Variants in SUMF1 observed in about 807,000 individuals in gnomAD.
SUMF1 encodes the protein formylglycine-generating enzyme.
In SUMF1, 48 loss-of-function variants were observed where a neutral mutation model predicts 47.6. The ratio of observed to expected loss-of-function variants is 1.01; its 90% CI spans 0.80 to 1.28. The LOEUF (loss-of-function observed/expected upper bound fraction) is 1.28, where lower values mean the gene tolerates loss of function less well. Among genes scored for constraint, SUMF1 ranks in the 50% most tolerant of loss-of-function variants. The probability of loss-of-function intolerance (pLI) is 0.00; values close to 1 mark genes in which losing one functional copy is unlikely to be tolerated. For missense variants in SUMF1, 571 were observed against 485.4 expected (o/e 1.18, Z -1.66); for synonymous variants, 230 against 192.1 (o/e 1.20, Z -1.63).
chr3:4,242,550 G>C lies in SUMF1; in HGVS notation c.1014+133780C>G, dbSNP rs771894264. On this transcript the variant is annotated intron_variant and NMD_transcript_variant, in intron 8 of 12. Transcript: ENST00000448413. ...GATAATCATGTGGTTTTTGTCATTG[G>C]TTCTGTTTATGTGATAGATTATGTT... Among the ~76,000 whole-genome samples, 32 of 152,120 alleles carry C rather than the reference G, an allele frequency of 2.1e-4. 1 individual carries two copies. The highest frequency in any genetic ancestry group is 1.3e-4 in the Admixed American group (2 of 15,266).
intron 8 of SUMF1, among the ~76,000 whole-genome samples, chr3:4,129,987 A>T (rs1177075666): frequency 6.6e-6 from 1 of 152,150 alleles, no homozygotes; most frequent in East Asian, 1.9e-4. Context: ...AAGAAAGGCC[A>T]AATGGAAGAC....
intron 9 of SUMF1, among the ~76,000 whole-genome samples, chr3:4,050,496 T>A (rs1340743139): frequency 1.3e-5 from 2 of 151,240 alleles, no homozygotes; most frequent in Non-Finnish European, 3.0e-5. Flanking sequence ...AATCCCAGCA[T>A]TTTGGGAGGC....
intron 2 of SUMF1, among the ~76,000 whole-genome samples, chr3:4,451,358 T>C (rs1702960940): frequency 6.6e-6 from 1 of 152,250 alleles, no homozygotes; most frequent in African/African-American, 2.4e-5. Flanking sequence ...TGTGGTTTGC[T>C]GTTTGCATCA....
chr3:4,317,935 A>G (rs1698727668), intron 8 of SUMF1, among the ~76,000 whole-genome samples: 1 of 152,216 alleles, frequency 6.6e-6, no homozygotes, highest in African/African-American at 2.4e-5. Context: ...TTAGGATATA[A>G]TGTCCTTCAA....
At chr3:4,273,135 T>C (rs1189380913) in intron 8 of SUMF1, among the ~76,000 whole-genome samples, 5 of 149,806 alleles carry the variant, frequency 3.3e-5, no homozygotes, top group Non-Finnish European at 7.4e-5. Context: ...CATATATATA[T>C]ATATAGAATT....
chr3:4,173,464 C>G (rs1413698298), intron 8 of SUMF1, among the ~76,000 whole-genome samples: 2 of 152,168 alleles, frequency 1.3e-5, no homozygotes, highest in Non-Finnish European at 2.9e-5. Context: ...TTGTGGAAGA[C>G]AGTGTGGCAA....
At chr3:4,351,157 C>G (rs545701502) in intron 8 of SUMF1, among the ~76,000 whole-genome samples, 30 of 152,286 alleles carry the variant, frequency 2.0e-4, no homozygotes, top group African/African-American at 7.2e-4. Context: ...TGTCCTGAAG[C>G]AAATAGTTTT....
chr3:4,300,090 G>A (rs910037329), intron 8 of SUMF1, among the ~76,000 whole-genome samples: 8 of 152,228 alleles, frequency 5.3e-5, no homozygotes, highest in Admixed American at 3.9e-4. Context: ...TCATGGGGGC[G>A]GGTTTCTCAT....
chr3:4,245,812 C>A (rs984243736), intron 8 of SUMF1, among the ~76,000 whole-genome samples: 10 of 152,194 alleles, frequency 6.6e-5, no homozygotes, highest in African/African-American at 2.2e-4. Flanking sequence ...CAGAAGCTGT[C>A]TGCTGCCTTT....
chr3:4,086,446 C>T (rs1692673554), intron 8 of SUMF1, among the ~76,000 whole-genome samples: 1 of 151,990 alleles, frequency 6.6e-6, no homozygotes, highest in South Asian at 2.1e-4. Flanking sequence ...TGTACTACAA[C>T]ACTAGGGAAT....
intron 3 of SUMF1, among the ~76,000 whole-genome samples, chr3:4,447,849 A>G (rs1295338940): frequency 6.6e-6 from 1 of 152,138 alleles, no homozygotes; most frequent in Non-Finnish European, 1.5e-5. Context: ...CCTAGCAATG[A>G]CCCACCTCTG....
chr3:4,393,581 C>A (rs1439542399), intron 7 of SUMF1, among the ~76,000 whole-genome samples: 1 of 152,096 alleles, frequency 6.6e-6, no homozygotes, highest in Non-Finnish European at 1.5e-5. Context: ...GATCATCCCA[C>A]CTCAGTCTCC....
intron 6 of SUMF1, 60 bp from the exon 7 acceptor site, chr3:4,411,038 C>T: frequency 7.5e-7 from 1 of 1,340,862 alleles, no homozygotes; most frequent in Non-Finnish European, 1.1e-6. Flanking sequence ...AAAACATCTT[C>T]AGTGCAGAAA....
chr3:4,084,814 T>C (rs1692637816), intron 8 of SUMF1, among the ~76,000 whole-genome samples: 2 of 152,138 alleles, frequency 1.3e-5, no homozygotes, highest in Non-Finnish European at 2.9e-5. Context: ...TCCTAGAGTT[T>C]AGAAAAACAT....
At chr3:4,122,313 A>T (rs1003689451) in intron 8 of SUMF1, among the ~76,000 whole-genome samples, 13 of 152,214 alleles carry the variant, frequency 8.5e-5, no homozygotes, top group African/African-American at 3.1e-4. Flanking sequence ...CACATATTAT[A>T]TGATTTCATT....
intron 9 of SUMF1, among the ~76,000 whole-genome samples, chr3:4,039,660 G>A (rs1694873091): frequency 1.3e-5 from 2 of 148,206 alleles, no homozygotes. Flanking sequence ...CTTTGCTATT[G>A]TGATTAAAAG....
chr3:4,103,578 A>C (rs1233798898), intron 8 of SUMF1, among the ~76,000 whole-genome samples: 1 of 152,140 alleles, frequency 6.6e-6, no homozygotes, highest in African/African-American at 2.4e-5. Context: ...ATTAGTGATT[A>C]GTGGTTTCTG....
chr3:4,276,409 G>T (rs1302710997), intron 8 of SUMF1, among the ~76,000 whole-genome samples: 1 of 151,932 alleles, frequency 6.6e-6, no homozygotes, highest in African/African-American at 2.4e-5. Flanking sequence ...TACAAGTTTT[G>T]AGCGTAATTA....
chr3:4,397,479 T>A (rs755255709), intron 7 of SUMF1, among the ~76,000 whole-genome samples: 1 of 152,236 alleles, frequency 6.6e-6, no homozygotes, highest in Non-Finnish European at 1.5e-5. Context: ...ATTCTCACAA[T>A]CTTCTGTGTT....
Sources: allele counts gnomAD v4.1 joint callset (sites outside exome capture counted in the v4.1 genomes callset), GRCh38; gene constraint gnomAD v4.1.1; transcripts MANE v1.5; gene names NCBI Gene and HGNC (gene_info 2026-07-23, HGNC 2026-07-21).